NUP210: variants seen among roughly 807,000 people sequenced by gnomAD.
NUP210 encodes the protein nuclear pore membrane glycoprotein 210.
In NUP210, 151 loss-of-function variants were observed where a neutral mutation model predicts 196.0. The observed-to-expected ratio is 0.77, with a 90% CI of 0.67 to 0.88. The LOEUF (loss-of-function observed/expected upper bound fraction) is 0.88. Among genes scored for constraint, NUP210 ranks in the 40% least tolerant of loss-of-function variants. The probability of loss-of-function intolerance (pLI) is 0.00; values close to 1 mark genes in which losing one functional copy is unlikely to be tolerated. For synonymous variants in NUP210, 1,070 were observed against 1,052.7 expected, an observed-to-expected ratio of 1.02 and a Z score of -0.32; for missense variants, 2,314 against 2,493.7, an observed-to-expected ratio of 0.93 and a Z score of 1.53.
chr3:13,320,714 G>C (rs1456543472), intron 36 of NUP210, among the ~76,000 whole-genome samples: 12 of 149,994 alleles, frequency 8.0e-5, no homozygotes, highest in Non-Finnish European at 1.3e-4. Flanking sequence ...TGGCTAACAT[G>C]GTGAAACCCC....
chr3:13,373,068 ATACTG>A (rs1183296106), intron 12 of NUP210, among the ~76,000 whole-genome samples: 1 of 152,084 alleles, frequency 6.6e-6, no homozygotes, highest in Non-Finnish European at 1.5e-5. Flanking sequence ...CCTGTCCCCA[ATACTG>A]TAAGAGCAGG....
intron 13 of NUP210, 82 bp downstream of exon 13, chr3:13,371,752 G>A: frequency 2.3e-6 from 3 of 1,305,786 alleles, no homozygotes; most frequent in Non-Finnish European, 3.2e-6. Flanking sequence ...CTCTCTTTGG[G>A]AATCTGGCGG....
intron 14 of NUP210, among the ~76,000 whole-genome samples, chr3:13,363,263 T>C (rs553788177): frequency 6.6e-6 from 1 of 152,242 alleles, no homozygotes; most frequent in African/African-American, 2.4e-5. Context: ...TAAACCAAGC[T>C]AACCCAGCTG....
Position 13,337,882 on chromosome 3 carries a change from G to A in NUP210, c.3507C>T (p.Ala1169=), listed in dbSNP as rs775906893. 22 of 1,612,790 alleles carry A rather than the reference G, an allele frequency of 1.4e-5. No individual in the cohort carries two copies. The highest frequency in any genetic ancestry group is 1.6e-4 in the Middle Eastern group (1 of 6,082). Residue 1169 remains alanine (A), a synonymous_variant, in exon 26 of 40, where the codon GCC becomes GCT. Coordinates refer to ENST00000254508, the MANE Select transcript of NUP210 (RefSeq NM_024923.4). ...GCATGATGGGGGCGCGGATCCTCAC[G>A]GCCCTTAGCAGCAGCACCTCCACCT... is the stretch of plus-strand genomic sequence containing the variant. ...LVQVEVLLLR[A]VRIRAPIMRM...
At chr3:13,389,879 CG>C (rs1699429827) in intron 4 of NUP210, among the ~76,000 whole-genome samples, 2 of 151,748 alleles carry the variant, frequency 1.3e-5, no homozygotes, top group Admixed American at 6.5e-5. Context: ...ACACAACGTT[CG>C]GACCCTGGCC....
At position 13,330,482 on chromosome 3, in the gene NUP210, T is replaced by C; in HGVS notation, c.4088A>G (p.Gln1363Arg). 2 of 1,614,092 alleles carry C rather than the reference T, an allele frequency of 1.2e-6. No individual in the cohort carries two copies. Among genetic ancestry groups the C allele is most frequent in the Non-Finnish European group, 1.7e-6 (2 of 1,179,968 alleles). The change falls in exon 30 of 40, where the codon CAA (glutamine) becomes CGA (arginine). Residue 1363 changes from glutamine to arginine, a missense_variant. Coordinates refer to ENST00000254508, the MANE Select transcript of NUP210 (RefSeq NM_024923.4). ...TACCTTTACAGCAACAATGATGGTT[T>C]GGTTGGCCCCAAAGGGCTCTTGTGC... ...VIAQEPFGAN[Q>R]TIIVAVKVSP...
In NUP210 at chr3:13,371,978, G is replaced by T; in HGVS notation, c.1642C>A (p.Arg548Ser). The change falls in exon 13 of 40, where the codon CGT becomes AGT. Residue 548 changes from arginine (R) to serine (S), a missense_variant. Coordinates refer to ENST00000254508, the MANE Select transcript of NUP210 (RefSeq NM_024923.4). ...MEFAPCQVEARVGQALELPLR... is the reference protein window; with the variant it reads ...MEFAPCQVEASVGQALELPLR... ...GGCAGCTCCAGGGCCTGGCCCACAC[G>T]TGCCTCCACCTGGCACGGGGCAAAC... is the stretch of plus-strand genomic sequence containing the variant. The T allele has an allele frequency of 6.2e-7, 1 of 1,601,474 alleles. No homozygotes were observed. The highest frequency in any genetic ancestry group is 1.1e-5 in the South Asian group (1 of 88,974).
intron 6 of NUP210, among the ~76,000 whole-genome samples, chr3:13,382,833 T>TTA (rs2124925912): frequency 6.6e-6 from 1 of 152,252 alleles, no homozygotes; most frequent in African/African-American, 2.4e-5. Flanking sequence ...GTCATGTGAA[T>TTA]TATACCTCAA....
intron 20 of NUP210, among the ~76,000 whole-genome samples, chr3:13,346,935 C>T (rs899330913): frequency 3.9e-5 from 6 of 152,242 alleles, no homozygotes; most frequent in African/African-American, 1.4e-4. Flanking sequence ...AAACTTCACA[C>T]AGGGACCCGG....
chr3:13,356,373 G>T lies in NUP210; in HGVS notation c.2328+1849C>A, dbSNP rs538889098. Among the ~76,000 whole-genome samples the T allele has an allele frequency of 2.6e-5, 4 of 152,338 alleles. No individual in the cohort carries two copies. In the East Asian group the frequency reaches 7.7e-4, roughly 29 times the overall value. On this transcript the variant is annotated intron_variant, in intron 16 of 39. Coordinates refer to ENST00000254508, the MANE Select transcript of NUP210 (RefSeq NM_024923.4). ...AGTTCCCTAATGACTGGCCAGGCATGGTGGCTCACGCCTGTAATCCCAGCA... is the reference window on the plus strand; with the variant it reads ...AGTTCCCTAATGACTGGCCAGGCATTGTGGCTCACGCCTGTAATCCCAGCA...
At chr3:13,359,459 G>A (rs1229725921) in intron 15 of NUP210, among the ~76,000 whole-genome samples, 2 of 152,174 alleles carry the variant, frequency 1.3e-5, no homozygotes, top group South Asian at 4.1e-4. Context: ...TACCAGGGCA[G>A]CTGTGGCATG....
At position 13,350,817 on chromosome 3, in the gene NUP210, C is replaced by T. The variant is rs965011398; in HGVS notation, c.2835+1062G>A. On this transcript the variant is annotated intron_variant, in intron 20 of 39. Transcript: ENST00000254508. The surrounding 1 kb of genome is among the most constrained non-coding windows in gnomAD (Gnocchi z 4.1). ...CACGCCATCTCCTGCCTCAGCCTCC[C>T]GAGTAGCTGGGAATACAGGCGCCCG... Among the ~76,000 whole-genome samples, 16 of 151,134 alleles carry T rather than the reference C, an allele frequency of 1.1e-4. No homozygotes were observed. The highest frequency in any genetic ancestry group is 2.2e-4 in the Non-Finnish European group (15 of 67,728).
Position 13,350,859 on chromosome 3 carries a change from AT to A in NUP210, c.2835+1019del, listed in dbSNP as rs79027917. Among the ~76,000 whole-genome samples the A allele has an allele frequency of 1.4e-3, 198 of 145,746 alleles. No individual in the cohort carries two copies. Among genetic ancestry groups the A allele is most frequent in the African/African-American group, 1.8e-3 (72 of 40,026 alleles). ...AGGCGCCCGCCACTACGCCTGGCTAATTTTTTTTTTTTGTATATTTAGTAGA... is the reference window on the plus strand; with the variant it reads ...AGGCGCCCGCCACTACGCCTGGCTAATTTTTTTTTTTGTATATTTAGTAGA... On this transcript the variant is annotated intron_variant, in intron 20 of 39. Transcript: ENST00000254508. The surrounding 1 kb of genome is among the most constrained non-coding windows in gnomAD (Gnocchi z 4.1).
At chr3:13,407,656 G>A (rs117355476) in intron 1 of NUP210, among the ~76,000 whole-genome samples, 1 of 152,150 alleles carries the variant, frequency 6.6e-6, no homozygotes, top group East Asian at 1.9e-4. Flanking sequence ...TTGACCCACA[G>A]GTATGCTGTC....
chr3:13,351,420 C>T (rs73024829), intron 20 of NUP210, among the ~76,000 whole-genome samples: 2,969 of 152,314 alleles, frequency 0.019, 58 homozygotes, highest in East Asian at 0.087. Context: ...ATGAGAATGA[C>T]TAAAGTTGTA....
rs750893847 is a variant in NUP210 at position 13,317,684 on chromosome 3, G to A, written c.5661C>T (p.His1887=). The stretch of plus-strand genomic sequence containing the variant: ...CCTCCGGGAACCTTCACGCGGCCTA[G>A]TGGGAGGCATAGGCTGGGCTCCACA... ...SGLWSPAYAS[H] The change falls in exon 40 of 40, where the codon CAC becomes CAT. Residue 1887 remains histidine (H), a synonymous_variant. Coordinates refer to ENST00000254508, the MANE Select transcript of NUP210 (RefSeq NM_024923.4). The A allele has an allele frequency of 6.2e-7, 1 of 1,605,446 alleles. No homozygotes were observed. Among genetic ancestry groups the A allele is most frequent in the African/African-American group, 1.3e-5 (1 of 74,932 alleles).
At chr3:13,327,528 G>A in intron 31 of NUP210, 91 bp from the exon 32 acceptor site, 2 of 977,944 alleles carry the variant, frequency 2.0e-6, no homozygotes, top group Non-Finnish European at 1.5e-6. Context: ...CCTCTGCTGA[G>A]CAAAGCATTC....
intron 1 of NUP210, among the ~76,000 whole-genome samples, chr3:13,411,906 A>AT (rs535414479): frequency 9.3e-5 from 14 of 151,046 alleles, no homozygotes; most frequent in South Asian, 4.2e-4. Context: ...ACGCCCAGCT[A>AT]TTTTTTTTGT....
intron 20 of NUP210, among the ~76,000 whole-genome samples, chr3:13,346,030 CTCT>C (rs1173633771): frequency 6.6e-6 from 1 of 152,234 alleles, no homozygotes; most frequent in East Asian, 1.9e-4. Context: ...AGGGCTTTTT[CTCT>C]TTTTTCCTCC....
Sources: allele counts gnomAD v4.1 joint callset (sites outside exome capture counted in the v4.1 genomes callset), GRCh38; gene constraint gnomAD v4.1.1; non-coding constraint Gnocchi (gnomAD v3.1); transcripts MANE v1.5; gene names NCBI Gene and HGNC (gene_info 2026-07-23, HGNC 2026-07-21).